The following USP37 variants were observed in gnomAD, a reference collection of about 807,000 sequenced individuals.
USP37 encodes the protein ubiquitin specific peptidase 37.
USP37 carries 27 observed loss-of-function variants against 124.0 expected under a neutral mutation model. The observed-to-expected ratio is 0.22, with a 90% CI of 0.16 to 0.30. The LOEUF (loss-of-function observed/expected upper bound fraction) is 0.30, where lower values mean the gene tolerates loss of function less well. Among genes scored for constraint, USP37 ranks in the 10% least tolerant of loss-of-function variants. The probability of loss-of-function intolerance (pLI) is 1.00; values close to 1 mark genes in which losing one functional copy is unlikely to be tolerated. For missense variants in USP37, 889 were observed against 1,140.4 expected (o/e 0.78, Z 3.17); for synonymous variants, 365 against 388.0 (o/e 0.94, Z 0.70).
intron 11 of USP37, among the ~76,000 whole-genome samples, chr2:218,503,545 G>A (rs574202331): frequency 6.6e-6 from 1 of 152,174 alleles, no homozygotes; most frequent in South Asian, 2.1e-4. Flanking sequence ...GAGAAACCTC[G>A]TCTCTACTAA....
chr2:218,557,212 T>C lies in USP37; in HGVS notation c.156+1286A>G, dbSNP rs187718057. On this transcript the variant is annotated intron_variant, in intron 4 of 25. Coordinates refer to ENST00000258399, the MANE Select transcript of USP37 (RefSeq NM_020935.3). ...CATAGCAGTAACCTGTACATGGTTT[T>C]AACAAACGAATGCTGAATGTAAACT... Among the ~76,000 whole-genome samples the C allele has an allele frequency of 1.6e-3, 245 of 152,302 alleles. 2 individuals are homozygous for C. Among genetic ancestry groups the C allele is most frequent in the African/African-American group, 5.6e-3 (232 of 41,560 alleles).
At chr2:218,521,977 C>T (rs1384150659) in intron 10 of USP37, among the ~76,000 whole-genome samples, 1 of 151,558 alleles carries the variant, frequency 6.6e-6, no homozygotes, top group East Asian at 1.9e-4. Context: ...TGGGCTCAAG[C>T]GATTCTCCTA....
chr2:218,494,961 G>A (rs1005927278), intron 14 of USP37, among the ~76,000 whole-genome samples: 9 of 151,598 alleles, frequency 5.9e-5, no homozygotes, highest in Non-Finnish European at 1.3e-4. Context: ...CAAGTAATAA[G>A]TTGTGTTTTT....
rs71403040 is a variant in USP37, at chr2:218,454,613, CGTGTGTGT to C, written c.*309_*316del. 9.1e-6 allele frequency: 2 copies of C among 219,370 alleles called. No individual in the cohort carries two copies. Among genetic ancestry groups the C allele is most frequent in the African/African-American group, 4.6e-5 (2 of 43,170 alleles). 13.6% of individuals were successfully genotyped at this position (219,370 alleles called of 1,614,324 possible). The stretch of plus-strand genomic sequence containing the variant: ...TAACTCTTTAAGGCTCCATTCATCC[CGTGTGTGT>C]GTGTGTGTGTCTGTGTGTGTGTATA... On this transcript the variant is annotated 3_prime_UTR_variant, in exon 26 of 26. Coordinates refer to ENST00000258399, the MANE Select transcript of USP37 (RefSeq NM_020935.3).
chr2:218,544,109 G>A (rs967920432), intron 8 of USP37, among the ~76,000 whole-genome samples: 8 of 152,074 alleles, frequency 5.3e-5, no homozygotes, highest in Admixed American at 5.2e-4. Flanking sequence ...GCCAGGTGCA[G>A]TGGCTCATGC....
chr2:218,533,829 ACTCT>A (rs1331561727), intron 9 of USP37, among the ~76,000 whole-genome samples: 1 of 152,302 alleles, frequency 6.6e-6, no homozygotes, highest in African/African-American at 2.4e-5. Flanking sequence ...CAGATAACGG[ACTCT>A]CTAAGGATTT....
intron 20 of USP37, among the ~76,000 whole-genome samples, chr2:218,467,537 C>CG: frequency 6.6e-6 from 1 of 151,974 alleles, no homozygotes; most frequent in Non-Finnish European, 1.5e-5. Flanking sequence ...TTAGTAGAGA[C>CG]GGGGTTTCAC....
intron 20 of USP37, among the ~76,000 whole-genome samples, chr2:218,467,418 G>A (rs1019217410): frequency 2.6e-4 from 40 of 151,754 alleles, no homozygotes; most frequent in African/African-American, 8.7e-4. Context: ...GCGCGATCTC[G>A]GCTCACTGCA....
At chr2:218,489,385 AAAAG>A (rs1691784049) in intron 14 of USP37, among the ~76,000 whole-genome samples, 1 of 151,664 alleles carries the variant, frequency 6.6e-6, no homozygotes, top group African/African-American at 2.4e-5. Flanking sequence ...AAACAACAAA[AAAAG>A]AAAGAAACAG....
intron 12 of USP37, 62 bp downstream of exon 12, chr2:218,497,964 T>C (rs1689166003): frequency 6.4e-7 from 1 of 1,567,788 alleles, no homozygotes; most frequent in East Asian, 2.2e-5. Context: ...TGTCTAAAAT[T>C]CCATTATTCT....
At chr2:218,525,238 T>C (rs1023508825) in intron 10 of USP37, among the ~76,000 whole-genome samples, 10 of 152,202 alleles carry the variant, frequency 6.6e-5, no homozygotes, top group Non-Finnish European at 1.2e-4. Flanking sequence ...CCCAGCACTT[T>C]GGGAGGCTGA....
At position 218,562,715 on chromosome 2, in the gene USP37, C is replaced by CTT. The variant is rs1693371998; in HGVS notation, c.-132_-131insAA. The CTT allele has an allele frequency of 2.5e-6, 1 of 398,472 alleles. No individual in the cohort carries two copies. The allele number at this position is 398,472 out of a possible 1,614,324, so 24.7% of individuals were successfully genotyped here. On this transcript the variant is annotated 5_prime_UTR_variant, in exon 2 of 26. The change abolishes the stop of an existing upstream ORF in the 5' untranslated region. Transcript: ENST00000258399. ...CGAAAAACCCTATGTAATAGCAATT[C>CTT]ACCTTTATTCTGATCCTTGTGCCAA...
intron 21 of USP37, 136 bp from the exon 22 acceptor site, chr2:218,463,502 C>A: frequency 1.9e-6 from 1 of 529,926 alleles, no homozygotes; most frequent in Non-Finnish European, 3.2e-6. Context: ...GGAATATTAC[C>A]TTTTGAGGAA....
At chr2:218,513,194 C>A (rs1015008695) in intron 10 of USP37, among the ~76,000 whole-genome samples, 6 of 151,982 alleles carry the variant, frequency 3.9e-5, no homozygotes, top group Non-Finnish European at 8.8e-5. Flanking sequence ...CCATGTCTGG[C>A]TAATTTTTGT....
rs1402072156 is a variant in USP37 at position 218,553,752 on chromosome 2, TCAAAAATG to T, written c.157-36_157-29del. 4 of 1,581,754 alleles carry T rather than the reference TCAAAAATG, an allele frequency of 2.5e-6. No homozygotes were observed. The African/African-American group carries it at 5.4e-5, about 21-fold the overall frequency. ...AATCAAGACAAAAGGAAAATTATCA[TCAAAAATG>T]TATGACAACTAAGTATAACAATCTG... is the stretch of plus-strand genomic sequence containing the variant. On this transcript the variant is annotated intron_variant, in intron 4 of 25. Coordinates refer to ENST00000258399, the MANE Select transcript of USP37 (RefSeq NM_020935.3).
intron 20 of USP37, among the ~76,000 whole-genome samples, chr2:218,473,841 G>C (rs576818211): frequency 1.3e-5 from 2 of 152,292 alleles, no homozygotes; most frequent in African/African-American, 4.8e-5. Flanking sequence ...GCATGGTTAA[G>C]TGATTTCGTC....
chr2:218,489,364 AAAAAAAAGAAAAACAAC>A, intron 14 of USP37, among the ~76,000 whole-genome samples: 1 of 151,272 alleles, frequency 6.6e-6, no homozygotes. Flanking sequence ...TCTCAAAAAA[AAAAAAAAGAAAAACAAC>A]AAAAAAAGAA....
chr2:218,558,479 A>G lies in USP37; in HGVS notation c.156+19T>C. The G allele has an allele frequency of 1.2e-6, 2 of 1,603,034 alleles. No individual in the cohort carries two copies. The highest frequency in any genetic ancestry group is 1.3e-5 in the African/African-American group (1 of 74,742). On this transcript the variant is annotated intron_variant, in intron 4 of 25. Transcript: ENST00000258399. Reference sequence around the variant, plus strand: ...ATGATCTGCTTCAAGAGCTATTCCAAATCAATATTTGGTATTACCTGAAAT... The same window carrying G: ...ATGATCTGCTTCAAGAGCTATTCCAGATCAATATTTGGTATTACCTGAAAT...
At position 218,485,751 on chromosome 2, in the gene USP37, A is replaced by T; in HGVS notation, c.1591-8T>A. 1 of 1,608,056 alleles carries T rather than the reference A, an allele frequency of 6.2e-7. No homozygotes were observed. Among genetic ancestry groups the T allele is most frequent in the Non-Finnish European group, 8.5e-7 (1 of 1,178,462 alleles). On this transcript the variant is annotated splice_polypyrimidine_tract_variant and splice_region_variant and intron_variant, in intron 15 of 25. Transcript: ENST00000258399. ...ATACTCCAGTTCTTCGGCCTATAAA[A>T]AGAAGGAAAAATAAAGCATGAAGGT...
Sources: gnomAD v4.1 joint callset for allele counts (sites outside exome capture counted in the v4.1 genomes callset) on GRCh38, gnomAD v4.1.1 for gene constraint, MANE v1.5 for transcripts, NCBI Gene and HGNC (gene_info 2026-07-23, HGNC 2026-07-21) for gene names.